CNTN4: variants seen among roughly 807,000 people sequenced by gnomAD.
CNTN4 encodes contactin-4.
A neutral mutation model predicts 122.5 loss-of-function variants in CNTN4; 77 were observed. The observed-to-expected ratio is 0.63, with a 90% CI of 0.52 to 0.76. The LOEUF is 0.76. CNTN4 is among the 30% of genes least tolerant of loss of function. The pLI is 0.00. For synonymous variants in CNTN4, 512 were observed against 447.0 expected, an observed-to-expected ratio of 1.15 and a Z score of -1.83; for missense variants, 1,256 against 1,259.1, an observed-to-expected ratio of 1.00 and a Z score of 0.04.
chr3:2,418,453 T>A (rs1327163298), intron 3 of CNTN4, among the ~76,000 whole-genome samples: 1 of 152,176 alleles, frequency 6.6e-6, no homozygotes, highest in Non-Finnish European at 1.5e-5. Flanking sequence ...GTACTAAAAT[T>A]AGATCAATCT....
At chr3:2,644,376 T>C (rs1054847372) in intron 4 of CNTN4, among the ~76,000 whole-genome samples, 1 of 152,160 alleles carries the variant, frequency 6.6e-6, no homozygotes, top group African/African-American at 2.4e-5. Flanking sequence ...TATCAGAAGC[T>C]CCATACATCT....
chr3:2,727,649 G>A (rs1237518533), intron 4 of CNTN4, among the ~76,000 whole-genome samples: 3 of 152,066 alleles, frequency 2.0e-5, no homozygotes, highest in Admixed American at 6.6e-5. Context: ...GCACTTCCCC[G>A]TCCTACCACT....
At chr3:2,434,334 A>G (rs1277546909) in intron 3 of CNTN4, among the ~76,000 whole-genome samples, 1 of 152,204 alleles carries the variant, frequency 6.6e-6, no homozygotes, top group Non-Finnish European at 1.5e-5. Flanking sequence ...ATGTAAAAAT[A>G]TATCTGTTTA....
At chr3:2,298,250 T>C (rs1488084087) in intron 2 of CNTN4, among the ~76,000 whole-genome samples, 1 of 152,252 alleles carries the variant, frequency 6.6e-6, no homozygotes, top group East Asian at 1.9e-4. Flanking sequence ...AAGGTTCTTG[T>C]CGTCTTGTCA....
chr3:2,462,757 C>T (rs2049276143), intron 3 of CNTN4, among the ~76,000 whole-genome samples: 1 of 152,156 alleles, frequency 6.6e-6, no homozygotes, highest in South Asian at 2.1e-4. Flanking sequence ...GTGAATCTTA[C>T]ATTTGGTTAC....
chr3:2,525,176 T>C (rs2077358199), intron 3 of CNTN4, among the ~76,000 whole-genome samples: 1 of 152,122 alleles, frequency 6.6e-6, no homozygotes, highest in Non-Finnish European at 1.5e-5. Flanking sequence ...GCATGCACTG[T>C]GGAAGGCTGT....
intron 6 of CNTN4, among the ~76,000 whole-genome samples, chr3:2,758,153 G>A (rs1446604711): frequency 6.6e-6 from 1 of 152,146 alleles, no homozygotes; most frequent in Non-Finnish European, 1.5e-5. Context: ...ATGTTGAGGT[G>A]AGGGAGTCAA....
intron 13 of CNTN4, among the ~76,000 whole-genome samples, chr3:2,968,868 T>C (rs867457544): frequency 1.1e-4 from 16 of 152,220 alleles, no homozygotes; most frequent in African/African-American, 3.9e-4. Flanking sequence ...TTCCTCTGTA[T>C]ACACTGTCTC....
At chr3:2,557,712 C>G (rs1649771434) in intron 3 of CNTN4, among the ~76,000 whole-genome samples, 1 of 149,102 alleles carries the variant, frequency 6.7e-6, no homozygotes, top group Admixed American at 6.7e-5. Flanking sequence ...CTGGGCAACA[C>G]TGCACTCCAG....
chr3:2,705,191 A>T (rs1292070871), intron 4 of CNTN4, among the ~76,000 whole-genome samples: 1 of 150,532 alleles, frequency 6.6e-6, no homozygotes, highest in African/African-American at 2.4e-5. Flanking sequence ...ACATGGTGAA[A>T]CCCCGTCTCT....
chr3:2,753,263 A>G (rs760195301), intron 6 of CNTN4, among the ~76,000 whole-genome samples: 3 of 152,196 alleles, frequency 2.0e-5, no homozygotes, highest in Non-Finnish European at 4.4e-5. Flanking sequence ...GTGAGCTTGA[A>G]CAAGGTACTT....
At chr3:2,481,823 C>G (rs1238647580) in intron 3 of CNTN4, among the ~76,000 whole-genome samples, 1 of 152,118 alleles carries the variant, frequency 6.6e-6, no homozygotes, top group Non-Finnish European at 1.5e-5. Context: ...AGAGAGAATG[C>G]TAGCACTCAT....
chr3:2,156,091 C>A (rs28542587), intron 2 of CNTN4, among the ~76,000 whole-genome samples: 5,173 of 152,252 alleles, frequency 0.034, 145 homozygotes, highest in African/African-American at 0.076. Context: ...GGCCAGTGGC[C>A]TCACTGCTTC....
intron 2 of CNTN4, among the ~76,000 whole-genome samples, chr3:2,147,856 A>G (rs2035317046): frequency 1.3e-5 from 2 of 152,034 alleles, no homozygotes; most frequent in South Asian, 4.1e-4. Flanking sequence ...GGCTCTGTGT[A>G]TTTGCTTATG....
chr3:2,859,795 A>G lies in CNTN4; in HGVS notation c.455-6957A>G, dbSNP rs910118015. On this transcript the variant is annotated intron_variant, in intron 7 of 24. Transcript: ENST00000418658. ...CTCATATTTGGCTTATTGTCTAAAC[A>G]ATGAGTTAAATTACTTTCAAGTTAA... 3.9e-5 allele frequency among the ~76,000 whole-genome samples: 6 copies of G among 152,202 alleles called. No homozygotes were observed. The South Asian group carries it at 1.0e-3, about 26-fold the overall frequency.
intron 3 of CNTN4, among the ~76,000 whole-genome samples, chr3:2,398,345 T>C (rs1450142054): frequency 2.6e-5 from 4 of 152,136 alleles, no homozygotes; most frequent in African/African-American, 9.7e-5. Flanking sequence ...TTTAAATTAA[T>C]TGCTTTCTAT....
At chr3:2,426,885 T>C (rs902888717) in intron 3 of CNTN4, among the ~76,000 whole-genome samples, 1 of 152,232 alleles carries the variant, frequency 6.6e-6, no homozygotes, top group African/African-American at 2.4e-5. Context: ...TCTCTGATGG[T>C]AGTTAATATT....
intron 7 of CNTN4, among the ~76,000 whole-genome samples, chr3:2,838,554 G>A (rs1338978083): frequency 7.2e-5 from 10 of 138,362 alleles, no homozygotes; most frequent in Non-Finnish European, 1.4e-4. Flanking sequence ...CAGACCCTAT[G>A]GTTTGTAAAA....
chr3:2,602,187 C>T (rs1032864618), intron 4 of CNTN4, among the ~76,000 whole-genome samples: 5 of 152,146 alleles, frequency 3.3e-5, no homozygotes, highest in African/African-American at 1.2e-4. Context: ...TGGCACAAGA[C>T]AGGGATGCCC....
Sources: allele counts gnomAD v4.1 joint callset (sites outside exome capture counted in the v4.1 genomes callset), GRCh38; gene constraint gnomAD v4.1.1; transcripts MANE v1.5; gene names NCBI Gene and HGNC (gene_info 2026-07-23, HGNC 2026-07-21).